AIM2: variants seen among roughly 807,000 people sequenced by gnomAD.
The protein encoded by AIM2 is interferon-inducible protein AIM2.
In AIM2, 30 loss-of-function variants were observed where a neutral mutation model predicts 27.7. The observed-to-expected ratio is 1.08, with a 90% CI of 0.81 to 1.47. The LOEUF is 1.47. Among genes scored for constraint, AIM2 ranks in the 40% most tolerant of loss-of-function variants. AIM2 has a pLI of 0.00. For synonymous variants in AIM2, 141 were observed against 145.3 expected (o/e 0.97, Z 0.21); for missense variants, 358 against 411.3 (o/e 0.87, Z 1.12).
chr1:159,135,127 T>G (rs563820753), intron 1 of AIM2, among the ~76,000 whole-genome samples: 2 of 152,340 alleles, frequency 1.3e-5, no homozygotes, highest in East Asian at 3.9e-4. Context: ...TGTTCATCAT[T>G]GTACCTCGCT....
chr1:159,059,250 T>TACACACACACACACACCAA (rs1190788499), downstream of AIM2, among the ~76,000 whole-genome samples: 5 of 151,510 alleles, frequency 3.3e-5, no homozygotes, highest in African/African-American at 1.2e-4. Context: ...GCTATTCTTA[T>TACACACACACACACACCAA]ACACACACAC....
rs191436959 is a variant in AIM2 at position 159,071,922 on chromosome 1, A to G, written c.262+1316T>C. On this transcript the variant is annotated intron_variant, in intron 2 of 5. Transcript: ENST00000368130. ...GCTAGTCCCAAACTGGATCTTTTTT[A>G]GCTAAGCAGAATAACAAAATCCCAG... Among the ~76,000 whole-genome samples the G allele has an allele frequency of 1.5e-3, 235 of 152,320 alleles. 3 individuals carry two copies. Among genetic ancestry groups the G allele is most frequent in the Non-Finnish European group, 5.4e-4 (37 of 68,020 alleles).
downstream of AIM2, among the ~76,000 whole-genome samples, chr1:159,059,896 A>C (rs1655775138): frequency 6.6e-6 from 1 of 152,078 alleles, no homozygotes; most frequent in African/African-American, 2.4e-5. Flanking sequence ...CCACCTTACC[A>C]CATATCAGAG....
At chr1:159,119,983 G>A (rs1201728352) in intron 1 of AIM2, among the ~76,000 whole-genome samples, 1 of 151,994 alleles carries the variant, frequency 6.6e-6, no homozygotes, top group Non-Finnish European at 1.5e-5. Flanking sequence ...TATAGATCAT[G>A]TGTAGCATTA....
intron 1 of AIM2, among the ~76,000 whole-genome samples, chr1:159,110,843 C>T (rs1349485262): frequency 6.6e-6 from 1 of 152,198 alleles, no homozygotes; most frequent in Non-Finnish European, 1.5e-5. Flanking sequence ...TCACATTCCT[C>T]TCTTTTGTAC....
intron 3 of AIM2, among the ~76,000 whole-genome samples, chr1:159,067,383 A>C (rs1234581026): frequency 6.6e-6 from 1 of 152,228 alleles, no homozygotes; most frequent in East Asian, 1.9e-4. Context: ...TGCCATTTAG[A>C]ACCAAAGGGA....
At chr1:159,132,001 G>C (rs1647897732) in intron 1 of AIM2, among the ~76,000 whole-genome samples, 1 of 152,022 alleles carries the variant, frequency 6.6e-6, no homozygotes, top group South Asian at 2.1e-4. Context: ...AAATAAAATA[G>C]TATCTGAAAA....
downstream of AIM2, among the ~76,000 whole-genome samples, chr1:159,059,376 G>A (rs1432913905): frequency 6.6e-6 from 1 of 152,102 alleles, no homozygotes; most frequent in Admixed American, 6.5e-5. Flanking sequence ...AACTTCAGAT[G>A]CTACAGAAGC....
At chr1:159,111,712 C>T (rs1657575125) in intron 1 of AIM2, among the ~76,000 whole-genome samples, 1 of 151,480 alleles carries the variant, frequency 6.6e-6, no homozygotes, top group Admixed American at 6.6e-5. Flanking sequence ...AAATGCAGTG[C>T]CTCACTTTGG....
chr1:159,126,405 T>G (rs1013273358), intron 1 of AIM2, among the ~76,000 whole-genome samples: 3 of 152,078 alleles, frequency 2.0e-5, no homozygotes, highest in African/African-American at 7.2e-5. Context: ...CCCAGCACTT[T>G]GGGAGGCTGA....
chr1:159,119,973 T>A (rs1458143181), intron 1 of AIM2, among the ~76,000 whole-genome samples: 1 of 152,188 alleles, frequency 6.6e-6, no homozygotes, highest in Non-Finnish European at 1.5e-5. Context: ...ATATACATTA[T>A]ATAGATCATG....
downstream of AIM2, among the ~76,000 whole-genome samples, chr1:159,060,858 T>G (rs1322150320): frequency 6.6e-6 from 1 of 152,240 alleles, no homozygotes; most frequent in Admixed American, 6.5e-5. Flanking sequence ...AATATTTACA[T>G]GCAGATTTTT....
intron 1 of AIM2, among the ~76,000 whole-genome samples, chr1:159,130,338 C>G (rs1462433407): frequency 6.6e-6 from 1 of 152,144 alleles, no homozygotes; most frequent in East Asian, 1.9e-4. Context: ...TATTTCTGAC[C>G]TAGATTTCTC....
chr1:159,111,709 G>T (rs1470827858), intron 1 of AIM2, among the ~76,000 whole-genome samples: 3 of 150,856 alleles, frequency 2.0e-5, no homozygotes, highest in Non-Finnish European at 2.9e-5. Context: ...GCCAAATGCA[G>T]TGCCTCACTT....
intron 1 of AIM2, among the ~76,000 whole-genome samples, chr1:159,137,140 C>A (rs987926849): frequency 1.3e-5 from 2 of 152,240 alleles, no homozygotes; most frequent in Non-Finnish European, 2.9e-5. Context: ...AGAAAAGCCT[C>A]ACCTCCAAGC....
intron 1 of AIM2, among the ~76,000 whole-genome samples, chr1:159,098,776 A>C (rs1049916329): frequency 2.0e-5 from 3 of 152,164 alleles, no homozygotes; most frequent in African/African-American, 7.2e-5. Flanking sequence ...CTCCATATGT[A>C]CCATGTGCTG....
intron 1 of AIM2, among the ~76,000 whole-genome samples, chr1:159,105,333 G>T (rs1261317192): frequency 6.6e-6 from 1 of 152,204 alleles, no homozygotes; most frequent in African/African-American, 2.4e-5. Flanking sequence ...CTCCAAAGAG[G>T]GTGTTACAGC....
chr1:159,129,298 C>T (rs1369068178), intron 1 of AIM2, among the ~76,000 whole-genome samples: 1 of 152,164 alleles, frequency 6.6e-6, no homozygotes, highest in East Asian at 1.9e-4. Context: ...AAAACTTTGA[C>T]AGAATAAATC....
upstream of AIM2, among the ~76,000 whole-genome samples, chr1:159,141,605 G>A (rs938066028): frequency 3.3e-5 from 5 of 152,200 alleles, no homozygotes; most frequent in East Asian, 9.7e-4. Flanking sequence ...GCACCTGCCA[G>A]GTGACCATCT....
Sources: allele counts gnomAD v4.1 joint callset (sites outside exome capture counted in the v4.1 genomes callset), GRCh38; gene constraint gnomAD v4.1.1; transcripts MANE v1.5; gene names NCBI Gene and HGNC (gene_info 2026-07-23, HGNC 2026-07-21).